The following TMEM183A variants were observed in gnomAD, a reference collection of about 807,000 sequenced individuals.
The protein encoded by TMEM183A is chromosome 1 open reading frame 37.
In TMEM183A, 21 loss-of-function variants were observed where a neutral mutation model predicts 46.7. That is an observed-to-expected ratio of 0.45 (90% CI 0.32 to 0.65). The LOEUF (loss-of-function observed/expected upper bound fraction) is 0.65. Among genes scored for constraint, TMEM183A ranks in the 30% least tolerant of loss-of-function variants. TMEM183A has a pLI of 0.04. For synonymous variants in TMEM183A, 165 were observed against 180.2 expected (o/e 0.92, Z 0.68); for missense variants, 331 against 481.9 (o/e 0.69, Z 2.93).
rs549296426 is a variant in TMEM183A, at chr1:203,009,898, G to A, written c.367+1088G>A. On this transcript the variant is annotated intron_variant, in intron 3 of 7. Coordinates refer to ENST00000367242, the MANE Select transcript of TMEM183A (RefSeq NM_138391.6). ...CGCTTGTAATCCCAACACTTTGGGA[G>A]GCTGAGGTGGGCAGATCACAAGGTC... Among the ~76,000 whole-genome samples, 32 of 152,298 alleles carry A rather than the reference G, an allele frequency of 2.1e-4. No homozygotes were observed. The South Asian group carries it at 6.4e-3, about 31-fold the overall frequency.
chr1:203,018,633 CTGTT>C (rs1481093745), intron 6 of TMEM183A, 72 bp downstream of exon 6: 1 of 1,515,874 alleles, frequency 6.6e-7, no homozygotes, highest in South Asian at 1.2e-5. Flanking sequence ...CTTTCTTAGT[CTGTT>C]TGTGTTGCTA....
rs1657901174 is a variant in TMEM183A at position 203,023,368 on chromosome 1, CTT to C, written c.*330_*331del. 6.4e-6 allele frequency: 1 copy of C among 156,344 alleles called. No individual in the cohort carries two copies. The highest frequency in any genetic ancestry group is 2.4e-5 in the African/African-American group (1 of 41,270). 9.7% of individuals were successfully genotyped at this position (156,344 alleles called of 1,614,324 possible). On this transcript the variant is annotated 3_prime_UTR_variant, in exon 8 of 8. Transcript: ENST00000367242. ...TCTTGCTGTAGGGAAAAATTAAACT[CTT>C]TGAATCTCCAAACAAGGAAGTTTCA... is the stretch of plus-strand genomic sequence containing the variant.
chr1:203,023,122 T>A lies in TMEM183A; in HGVS notation c.*82T>A. 1 of 762,624 alleles carries A rather than the reference T, an allele frequency of 1.3e-6. No individual in the cohort carries two copies. The highest frequency in any genetic ancestry group is 2.1e-6 in the Non-Finnish European group (1 of 482,180). 47.2% of individuals were successfully genotyped at this position (762,624 alleles called of 1,614,324 possible). ...TCCAGTTTGGACAGGGTGGCTGGAT[T>A]GTATATCTCGTTAGTAATGTACATG... On this transcript the variant is annotated 3_prime_UTR_variant, in exon 8 of 8. Transcript: ENST00000367242.
intron 6 of TMEM183A, among the ~76,000 whole-genome samples, chr1:203,018,843 G>A (rs1431137642): frequency 6.6e-6 from 1 of 152,166 alleles, no homozygotes. Flanking sequence ...GGTGGAAGGT[G>A]GAATGCCAAA....
intron 5 of TMEM183A, 59 bp downstream of exon 5, chr1:203,016,199 T>C (rs75329371): frequency 2.5e-6 from 4 of 1,609,248 alleles, no homozygotes; most frequent in African/African-American, 2.7e-5. Context: ...AGGCCTGTTA[T>C]CATGGCTTGT....
At chr1:203,008,014 G>A in intron 2 of TMEM183A, 151 bp downstream of exon 2, 2 of 886,340 alleles carry the variant, frequency 2.3e-6, no homozygotes, top group Non-Finnish European at 3.3e-6. Context: ...AGGAGGATTA[G>A]TCAAGAGTAG....
intron 7 of TMEM183A, among the ~76,000 whole-genome samples, chr1:203,022,056 C>T (rs1486061597): frequency 6.6e-6 from 1 of 152,008 alleles, no homozygotes; most frequent in Non-Finnish European, 1.5e-5. Context: ...GAGATTGTGT[C>T]ATATATACAG....
At chr1:203,019,053 A>G (rs368724037) in intron 6 of TMEM183A, among the ~76,000 whole-genome samples, 5 of 128,088 alleles carry the variant, frequency 3.9e-5, no homozygotes, top group African/African-American at 1.3e-4. Flanking sequence ...TTACTAAAAC[A>G]GTGTACAGCC....
At chr1:203,019,482 G>A (rs1224580990) in intron 6 of TMEM183A, among the ~76,000 whole-genome samples, 1 of 152,188 alleles carries the variant, frequency 6.6e-6, no homozygotes, top group African/African-American at 2.4e-5. Context: ...GTGGTTATAT[G>A]TAAGTGTATG....
chr1:203,012,161 C>CACACACACACAG (rs1212923601), intron 3 of TMEM183A, among the ~76,000 whole-genome samples: 1 of 129,406 alleles, frequency 7.7e-6, no homozygotes, highest in African/African-American at 2.9e-5. Context: ...CACACACACA[C>CACACACACACAG]ACACACACAC....
chr1:203,009,868 G>A (rs546001552), intron 3 of TMEM183A, among the ~76,000 whole-genome samples: 132 of 152,284 alleles, frequency 8.7e-4, no homozygotes, highest in Non-Finnish European at 1.6e-3. Flanking sequence ...AGGCATGGTG[G>A]CTCACGCTTG....
At position 203,018,475 on chromosome 1, in the gene TMEM183A, T is replaced by C; in HGVS notation, c.709-6T>C. The C allele has an allele frequency of 6.2e-7, 1 of 1,608,146 alleles. No homozygotes were observed. Among genetic ancestry groups the C allele is most frequent in the Non-Finnish European group, 8.5e-7 (1 of 1,178,818 alleles). On this transcript the variant is annotated splice_region_variant and splice_polypyrimidine_tract_variant and intron_variant, in intron 5 of 7. Transcript: ENST00000367242. ...CTTGGTTTATTTTATTTTTACTTTC[T>C]TATAGTGCTTACTTTTCTGGTGCAG... is the stretch of plus-strand genomic sequence containing the variant.
At chr1:203,021,140 C>T (rs1180234741) in intron 7 of TMEM183A, among the ~76,000 whole-genome samples, 192 bp downstream of exon 7, 3 of 151,316 alleles carry the variant, frequency 2.0e-5, no homozygotes, top group Non-Finnish European at 2.9e-5. Flanking sequence ...TTAAGCTATC[C>T]TCTTGCTTCA....
intron 4 of TMEM183A, chr1:203,015,306 AGATAG>A: frequency 2.0e-6 from 1 of 510,384 alleles, no homozygotes; most frequent in Non-Finnish European, 3.4e-6. Context: ...TTCAAGTCCC[AGATAG>A]AAGAGTCTTT....
rs1230068095 is a variant in TMEM183A at position 203,020,951 on chromosome 1, A to T, written c.945+3A>T. 1 of 1,566,914 alleles carries T rather than the reference A, an allele frequency of 6.4e-7. No homozygotes were observed. On this transcript the variant is annotated splice_donor_region_variant and intron_variant, in intron 7 of 7. Coordinates refer to ENST00000367242, the MANE Select transcript of TMEM183A (RefSeq NM_138391.6). ...TCATGGGAATGATATTTACTCTGGT[A>T]AGTGGGGACTCAGGATGTCATTCTC...
chr1:203,016,213 C>T, intron 5 of TMEM183A, 73 bp downstream of exon 5: 2 of 1,603,434 alleles, frequency 1.2e-6, no homozygotes, highest in Non-Finnish European at 1.7e-6. Flanking sequence ...GGCTTGTCTC[C>T]AGCTTCCTTG....
At chr1:203,010,157 AT>A (rs1656423389) in intron 3 of TMEM183A, among the ~76,000 whole-genome samples, 2 of 152,110 alleles carry the variant, frequency 1.3e-5, no homozygotes, top group Admixed American at 6.5e-5. Flanking sequence ...AAAGAAAAAA[AT>A]AATAGTAAAT....
At chr1:203,012,185 C>T (rs1000943491) in intron 3 of TMEM183A, among the ~76,000 whole-genome samples, 8 of 114,896 alleles carry the variant, frequency 7.0e-5, no homozygotes, top group Middle Eastern at 5.3e-3. Context: ...CACACACACA[C>T]GGTTATTTTG....
rs1386715139 is a variant in TMEM183A, at chr1:203,013,689, T to A, written c.368-1200T>A. On this transcript the variant is annotated intron_variant, in intron 3 of 7. Coordinates refer to ENST00000367242, the MANE Select transcript of TMEM183A (RefSeq NM_138391.6). The surrounding 1 kb of genome is among the most constrained non-coding windows in gnomAD (Gnocchi z 4.0). Reference sequence around the variant, plus strand: ...ACCACGCCCGGCTAATTTTTTTGTATTTTTTAGTAGAGAAGGGGTTTCAGT... The same window carrying A: ...ACCACGCCCGGCTAATTTTTTTGTAATTTTTAGTAGAGAAGGGGTTTCAGT... Among the ~76,000 whole-genome samples the A allele has an allele frequency of 2.0e-5, 3 of 150,906 alleles. No homozygotes were observed. Among genetic ancestry groups the A allele is most frequent in the Non-Finnish European group, 4.4e-5 (3 of 67,676 alleles).
Sources: allele counts gnomAD v4.1 joint callset (sites outside exome capture counted in the v4.1 genomes callset), GRCh38; gene constraint gnomAD v4.1.1; non-coding constraint Gnocchi (gnomAD v3.1); transcripts MANE v1.5; gene names NCBI Gene and HGNC (gene_info 2026-07-23, HGNC 2026-07-21).